Variants in CNTN6 observed in about 807,000 individuals in gnomAD.
CNTN6 encodes the protein contactin-6.
A neutral mutation model predicts 122.8 loss-of-function variants in CNTN6; 137 were observed. That is an observed-to-expected ratio of 1.12 (90% CI 0.97 to 1.29). CNTN6 has a LOEUF of 1.29. Among genes scored for constraint, CNTN6 ranks in the 50% most tolerant of loss-of-function variants. CNTN6 has a pLI of 0.00. For missense variants in CNTN6, 1,634 were observed against 1,223.4 expected (o/e 1.34, Z -5.01); for synonymous variants, 570 against 426.0 (o/e 1.34, Z -4.16).
At position 1,277,346 on chromosome 3, in the gene CNTN6, C is replaced by CTTTTT. The variant is rs10599744; in HGVS notation, c.359-1040_359-1036dup. 9.1e-4 allele frequency among the ~76,000 whole-genome samples: 73 copies of CTTTTT among 80,176 alleles called. 1 individual carries two copies. Among genetic ancestry groups the CTTTTT allele is most frequent in the African/African-American group, 2.9e-3 (63 of 21,976 alleles). 52.6% of individuals were successfully genotyped at this position (80,176 alleles called of 152,430 possible). A position where few individuals can be genotyped will look rare whatever the true frequency, so the allele number is the denominator to read the frequency against. ...CTACTTCTGTCTTTTAGTAGGTTTT[C>CTTTTT]TTTTTTTTTTTTTTTTTTTTTTTTT... is the stretch of plus-strand genomic sequence containing the variant. On this transcript the variant is annotated intron_variant, in intron 4 of 22. Transcript: ENST00000446702.
intron 11 of CNTN6, among the ~76,000 whole-genome samples, chr3:1,351,861 C>T (rs1211165164): frequency 6.6e-6 from 1 of 151,896 alleles, no homozygotes; most frequent in African/African-American, 2.4e-5. Flanking sequence ...TGGTTCAACA[C>T]CCCATTCTGT....
chr3:1,360,857 C>T (rs910858191), intron 12 of CNTN6, among the ~76,000 whole-genome samples: 2 of 152,058 alleles, frequency 1.3e-5, no homozygotes, highest in East Asian at 3.9e-4. Flanking sequence ...TGTCTTCTTT[C>T]TCCACTATAT....
intron 2 of CNTN6, among the ~76,000 whole-genome samples, chr3:1,162,404 A>G (rs1179183321): frequency 4.7e-5 from 5 of 105,270 alleles, no homozygotes; most frequent in East Asian, 3.5e-4. Context: ...AAGGGAGGGG[A>G]AAAAAAACCC....
At chr3:1,175,982 G>A (rs1213641683) in intron 2 of CNTN6, among the ~76,000 whole-genome samples, 1 of 152,126 alleles carries the variant, frequency 6.6e-6, no homozygotes, top group African/African-American at 2.4e-5. Flanking sequence ...AAAAAGGAGA[G>A]AACTAAATCT....
chr3:1,292,221 A>G (rs972773508), intron 5 of CNTN6, among the ~76,000 whole-genome samples: 4 of 152,108 alleles, frequency 2.6e-5, no homozygotes, highest in African/African-American at 7.2e-5. Flanking sequence ...CCTTCTGGAC[A>G]TTGATAGAGA....
intron 4 of CNTN6, among the ~76,000 whole-genome samples, chr3:1,243,499 G>C (rs989157816): frequency 1.3e-5 from 2 of 152,074 alleles, no homozygotes; most frequent in South Asian, 4.1e-4. Context: ...GTCGGGAGCA[G>C]ATTGCGTAAT....
intron 20 of CNTN6, among the ~76,000 whole-genome samples, chr3:1,388,930 C>T (rs1233023949): frequency 4.3e-5 from 6 of 139,112 alleles, no homozygotes; most frequent in Admixed American, 7.2e-5. Context: ...ACCAAATCTA[C>T]GTCTGATTGG....
chr3:1,397,610 G>A (rs1695146789), intron 20 of CNTN6, among the ~76,000 whole-genome samples: 1 of 152,010 alleles, frequency 6.6e-6, no homozygotes, highest in African/African-American at 2.4e-5. Context: ...AAATATTTAT[G>A]TCAATTCCAA....
chr3:1,219,968 A>C (rs1471175713), intron 2 of CNTN6, among the ~76,000 whole-genome samples: 1 of 143,260 alleles, frequency 7.0e-6, no homozygotes. Flanking sequence ...TGCCACTGCA[A>C]TTCAGCCTGT....
intron 3 of CNTN6, among the ~76,000 whole-genome samples, chr3:1,222,703 C>A (rs878869653): frequency 6.8e-6 from 1 of 147,798 alleles, no homozygotes; most frequent in East Asian, 2.0e-4. Context: ...TGGCTCATTT[C>A]TTTTTTTTTT....
At chr3:1,384,976 C>T (rs1273587093) in intron 19 of CNTN6, among the ~76,000 whole-genome samples, 1 of 151,694 alleles carries the variant, frequency 6.6e-6, no homozygotes, top group East Asian at 1.9e-4. Flanking sequence ...CTGAGCTCTA[C>T]TCCCATCAAT....
intron 1 of CNTN6, among the ~76,000 whole-genome samples, chr3:1,132,350 A>G (rs1288564279): frequency 6.6e-6 from 1 of 152,020 alleles, no homozygotes; most frequent in Non-Finnish European, 1.5e-5. Flanking sequence ...ATTACAAAAT[A>G]TTTTTTCTTT....
At chr3:1,334,498 ATT>A (rs1702769881) in intron 11 of CNTN6, among the ~76,000 whole-genome samples, 1 of 152,144 alleles carries the variant, frequency 6.6e-6, no homozygotes, top group South Asian at 2.1e-4. Context: ...CAGAGATTAC[ATT>A]TTAGAAATCA....
At chr3:1,266,506 G>T (rs1462454201) in intron 4 of CNTN6, among the ~76,000 whole-genome samples, 2 of 152,156 alleles carry the variant, frequency 1.3e-5, no homozygotes, top group Admixed American at 1.3e-4. Flanking sequence ...CACGCTTCTT[G>T]TATAAACAGG....
chr3:1,148,146 A>C (rs2092762731), intron 2 of CNTN6, 83 bp downstream of exon 2: 4 of 1,042,426 alleles, frequency 3.8e-6, no homozygotes, highest in Non-Finnish European at 5.9e-6. Context: ...AATTTTCAAA[A>C]TGCACAATTT....
chr3:1,376,519 A>C (rs1392600363), intron 16 of CNTN6, among the ~76,000 whole-genome samples: 2 of 152,156 alleles, frequency 1.3e-5, no homozygotes, highest in South Asian at 2.1e-4. Flanking sequence ...GAGGAGTTTT[A>C]AAACAAGAAT....
At chr3:1,175,153 G>A (rs1423639219) in intron 2 of CNTN6, among the ~76,000 whole-genome samples, 2 of 145,272 alleles carry the variant, frequency 1.4e-5, no homozygotes, top group African/African-American at 5.0e-5. Flanking sequence ...GATTGCTTGA[G>A]GGTGGGAGGC....
chr3:1,376,245 G>C (rs78173145), intron 16 of CNTN6, among the ~76,000 whole-genome samples: 30 of 152,190 alleles, frequency 2.0e-4, no homozygotes, highest in African/African-American at 7.0e-4. Context: ...TACACACTCA[G>C]CATTTCCTCA....
At chr3:1,293,047 A>T (rs749460360) in intron 5 of CNTN6, among the ~76,000 whole-genome samples, 25 of 152,158 alleles carry the variant, frequency 1.6e-4, no homozygotes, top group Non-Finnish European at 3.4e-4. Context: ...AGTAGCATTT[A>T]CTGTGCTCCT....
Sources: gnomAD v4.1 joint callset for allele counts (sites outside exome capture counted in the v4.1 genomes callset) on GRCh38, gnomAD v4.1.1 for gene constraint, MANE v1.5 for transcripts, NCBI Gene and HGNC (gene_info 2026-07-23, HGNC 2026-07-21) for gene names.